Variants in ZMIZ1 observed in about 807,000 individuals in gnomAD.
The protein encoded by ZMIZ1 is zinc finger MIZ domain-containing protein 1.
A neutral mutation model predicts 113.9 loss-of-function variants in ZMIZ1; 17 were observed. The ratio of observed to expected loss-of-function variants is 0.15; its 90% CI spans 0.10 to 0.22. The LOEUF (loss-of-function observed/expected upper bound fraction) is 0.22. Among genes scored for constraint, ZMIZ1 ranks in the 10% least tolerant of loss-of-function variants. The probability of loss-of-function intolerance (pLI) is 1.00; values close to 1 mark genes in which losing one functional copy is unlikely to be tolerated. For synonymous variants in ZMIZ1, 607 were observed against 603.1 expected (o/e 1.01, Z -0.09); for missense variants, 1,059 against 1,477.8 (o/e 0.72, Z 4.65).
intron 1 of ZMIZ1, among the ~76,000 whole-genome samples, chr10:79,108,250 G>T (rs751941764): frequency 2.6e-5 from 4 of 152,204 alleles, no homozygotes; most frequent in Admixed American, 2.0e-4. Flanking sequence ...GCCCTGGGAG[G>T]TCCCATTCCA....
At chr10:79,112,915 C>T (rs967930563) in intron 1 of ZMIZ1, among the ~76,000 whole-genome samples, 5 of 152,240 alleles carry the variant, frequency 3.3e-5, no homozygotes, top group African/African-American at 1.2e-4. Flanking sequence ...CAGCAGCTTT[C>T]TCTGGCGAGG....
At chr10:79,111,976 G>A (rs1233877360) in intron 1 of ZMIZ1, among the ~76,000 whole-genome samples, 1 of 152,222 alleles carries the variant, frequency 6.6e-6, no homozygotes, top group Non-Finnish European at 1.5e-5. Flanking sequence ...GTAGGACTTG[G>A]TTGGGCTAAA....
At chr10:79,308,208 T>C (rs149495654) in intron 23 of ZMIZ1, among the ~76,000 whole-genome samples, 2,379 of 152,200 alleles carry the variant, frequency 0.016, 32 homozygotes, top group Non-Finnish European at 0.021. Flanking sequence ...ATCCAGTGAG[T>C]GCCACGTGGT....
intron 1 of ZMIZ1, among the ~76,000 whole-genome samples, chr10:79,089,238 C>G (rs916961347): frequency 6.6e-6 from 1 of 152,232 alleles, no homozygotes; most frequent in Non-Finnish European, 1.5e-5. Context: ...ACGGCCGGAG[C>G]CTCCGCATGT....
chr10:79,310,481 T>TCTG (rs559009118), intron 23 of ZMIZ1, among the ~76,000 whole-genome samples: 1 of 152,312 alleles, frequency 6.6e-6, no homozygotes, highest in South Asian at 2.1e-4. Flanking sequence ...TCTGTCTGTG[T>TCTG]CTGCTCTCTG....
chr10:79,163,168 C>T lies in ZMIZ1; in HGVS notation c.-50+1035C>T, dbSNP rs543987944. On this transcript the variant is annotated intron_variant, in intron 4 of 24. Transcript: ENST00000334512. Reference sequence around the variant, plus strand: ...GGGCAGCCCGGGAGGGGGGAGTCTTCGCCCTGGTGTGGAGCTGTCTCCTAA... The same window carrying T: ...GGGCAGCCCGGGAGGGGGGAGTCTTTGCCCTGGTGTGGAGCTGTCTCCTAA... Among the ~76,000 whole-genome samples, 46 of 152,374 alleles carry T rather than the reference C, an allele frequency of 3.0e-4. No homozygotes were observed. The East Asian group carries it at 8.1e-3, about 27-fold the overall frequency.
chr10:79,215,639 G>T (rs1309789216), intron 6 of ZMIZ1, among the ~76,000 whole-genome samples: 1 of 152,148 alleles, frequency 6.6e-6, no homozygotes, highest in African/African-American at 2.4e-5. Flanking sequence ...GACTCGGAGG[G>T]GCAGGGCTGG....
intron 5 of ZMIZ1, 37 bp from the exon 6 acceptor site, chr10:79,208,299 C>T (rs756404579): frequency 3.1e-6 from 5 of 1,590,192 alleles, no homozygotes; most frequent in Non-Finnish European, 4.3e-6. Flanking sequence ...TACCCTCACT[C>T]TTGGAGCCTC....
At chr10:79,228,686 CT>C (rs1272235026) in intron 7 of ZMIZ1, among the ~76,000 whole-genome samples, 4 of 152,222 alleles carry the variant, frequency 2.6e-5, no homozygotes, top group Non-Finnish European at 5.9e-5. Context: ...CTGCAGGCCC[CT>C]AGCCCCTCCT....
chr10:79,283,738 C>T (rs184375064), intron 8 of ZMIZ1, among the ~76,000 whole-genome samples: 5 of 152,338 alleles, frequency 3.3e-5, no homozygotes, highest in African/African-American at 1.2e-4. Flanking sequence ...TTCCTTTCCT[C>T]CTTCCTACTG....
At chr10:79,192,660 C>A (rs1382576619) in intron 4 of ZMIZ1, among the ~76,000 whole-genome samples, 2 of 152,166 alleles carry the variant, frequency 1.3e-5, no homozygotes, top group Non-Finnish European at 2.9e-5. Context: ...AACACTGTCC[C>A]CTAAGTATTC....
chr10:79,142,657 C>T (rs1845319809), intron 3 of ZMIZ1, among the ~76,000 whole-genome samples: 1 of 152,244 alleles, frequency 6.6e-6, no homozygotes, highest in Non-Finnish European at 1.5e-5. Context: ...CTTGGCCACA[C>T]AGGGGCTAGG....
chr10:79,074,664 C>G (rs974458130), intron 1 of ZMIZ1, among the ~76,000 whole-genome samples: 1 of 152,242 alleles, frequency 6.6e-6, no homozygotes, highest in Non-Finnish European at 1.5e-5. Flanking sequence ...CTGAGTCAGT[C>G]CCCAGGCTAT....
intron 4 of ZMIZ1, among the ~76,000 whole-genome samples, chr10:79,175,437 T>G (rs1007632772): frequency 2.0e-5 from 3 of 152,178 alleles, no homozygotes; most frequent in Non-Finnish European, 2.9e-5. Context: ...GTCTCTCACT[T>G]GGGTTTGTCC....
Position 79,109,569 on chromosome 10 carries a change from G to A in ZMIZ1, c.-336-9346G>A, listed in dbSNP as rs534499969. 2.0e-5 allele frequency among the ~76,000 whole-genome samples: 3 copies of A among 152,302 alleles called. No individual in the cohort carries two copies. The East Asian group carries it at 5.8e-4, about 29-fold the overall frequency. ...AGGGGAGGCTGGGAGGGAGGGATGT[G>A]GTGCCCACTCCCAGGCCCCCACACT... On this transcript the variant is annotated intron_variant, in intron 1 of 24. Coordinates refer to ENST00000334512, the MANE Select transcript of ZMIZ1 (RefSeq NM_020338.4).
chr10:79,285,795 G>A (rs937098654), intron 8 of ZMIZ1, among the ~76,000 whole-genome samples: 9 of 152,362 alleles, frequency 5.9e-5, no homozygotes, highest in South Asian at 2.1e-4. Context: ...CCAGGAATGC[G>A]AAGAGCCAGT....
At chr10:79,201,799 C>G in intron 5 of ZMIZ1, 107 bp downstream of exon 5, 2 of 1,227,944 alleles carry the variant, frequency 1.6e-6, no homozygotes, top group Non-Finnish European at 2.3e-6. Context: ...GCCTCCTGAC[C>G]ACCTACCTAT....
intron 7 of ZMIZ1, 84 bp from the exon 8 acceptor site, chr10:79,277,097 C>T: frequency 7.0e-7 from 1 of 1,428,082 alleles, no homozygotes; most frequent in Non-Finnish European, 9.2e-7. Context: ...GGATAGCACC[C>T]AGTCTGGGGA....
At chr10:79,260,390 G>A (rs148227956) in intron 7 of ZMIZ1, among the ~76,000 whole-genome samples, 43 of 152,144 alleles carry the variant, frequency 2.8e-4, no homozygotes, top group African/African-American at 9.7e-4. Context: ...GGGGAGGTAC[G>A]ACAATTCATA....
Sources: allele counts gnomAD v4.1 joint callset (sites outside exome capture counted in the v4.1 genomes callset), GRCh38; gene constraint gnomAD v4.1.1; transcripts MANE v1.5; gene names NCBI Gene and HGNC (gene_info 2026-07-23, HGNC 2026-07-21).